DECR1: variants seen among roughly 807,000 people sequenced by gnomAD.
The protein encoded by DECR1 is 2,4-dienoyl-CoA reductase [(3E)-enoyl-CoA-producing], mitochondrial.
A neutral mutation model predicts 38.8 loss-of-function variants in DECR1; 44 were observed. That is an observed-to-expected ratio of 1.13 (90% CI 0.89 to 1.46). DECR1 has a LOEUF of 1.46. Ranked by LOEUF, DECR1 falls within the 40% of genes most tolerant of loss-of-function variation. The pLI, the probability that DECR1 is intolerant of heterozygous loss-of-function variation, is 0.00. For synonymous variants in DECR1, 148 were observed against 135.2 expected (o/e 1.09, Z -0.66); for missense variants, 428 against 405.5 (o/e 1.06, Z -0.48).
intron 5 of DECR1, among the ~76,000 whole-genome samples, chr8:90,035,420 A>G (rs549128848): frequency 6.6e-6 from 1 of 150,960 alleles, no homozygotes; most frequent in Non-Finnish European, 1.5e-5. Context: ...TGGATAGTTT[A>G]TATTGCTGTG....
chr8:90,025,559 G>A (rs1004184162), intron 5 of DECR1, among the ~76,000 whole-genome samples: 5 of 152,082 alleles, frequency 3.3e-5, no homozygotes, highest in African/African-American at 9.7e-5. Context: ...TGTGATTTTT[G>A]CACATTGATT....
rs532102994 is a variant in DECR1, at chr8:90,031,327, C to A, written c.566-5514C>A. 4.6e-3 allele frequency among the ~76,000 whole-genome samples: 697 copies of A among 152,194 alleles called. 9 individuals carry two copies. Among genetic ancestry groups the A allele is most frequent in the South Asian group, 0.029 (139 of 4,822 alleles). ...AGTTATGAAAGAAAATGTTAAGTTT[C>A]CTCCAAGATAAATGTATTTTTACCA... On this transcript the variant is annotated intron_variant, in intron 5 of 9. Transcript: ENST00000220764.
At chr8:90,023,391 T>A (rs185474203) in intron 5 of DECR1, among the ~76,000 whole-genome samples, 2 of 152,170 alleles carry the variant, frequency 1.3e-5, no homozygotes, top group Non-Finnish European at 2.9e-5. Context: ...ATTACAGTTT[T>A]TTTTTGTTTA....
In DECR1 at chr8:90,019,172, T is replaced by G. The variant is rs1363250443; in HGVS notation, c.417T>G (p.Asn139Lys). The G allele has an allele frequency of 6.2e-7, 1 of 1,613,604 alleles. No individual in the cohort carries two copies. The highest frequency in any genetic ancestry group is 8.5e-7 in the Non-Finnish European group (1 of 1,179,530). ...SELIKVAGHP[N>K]IVINNAAGNF... is the part of the protein sequence containing the mutation. ...TGATCAAAGTTGCAGGACATCCTAA[T>G]GTAAGTGTAGCAATGATGAAGCCAA... The change falls in exon 4 of 10, where the codon AAT becomes AAG. Residue 139 changes from asparagine (N) to lysine (K), a missense_variant and splice_region_variant. By Grantham distance (94) the Asn-to-Lys change is moderately conservative. Coordinates refer to ENST00000220764, the MANE Select transcript of DECR1 (RefSeq NM_001359.2).
At chr8:90,041,701 T>G (rs1325916678) in intron 6 of DECR1, among the ~76,000 whole-genome samples, 1 of 152,158 alleles carries the variant, frequency 6.6e-6, no homozygotes, top group East Asian at 1.9e-4. Flanking sequence ...CTTACCTTTT[T>G]TGTATAGAGT....
rs773153749 is a variant in DECR1 at position 90,019,146 on chromosome 8, C to G, written c.391C>G (p.Leu131Val). ...TATGGTTCAAAACACTGTGTCAGAACTGATCAAAGTTGCAGGACATCCTAA... is the reference window on the plus strand; with the variant it reads ...TATGGTTCAAAACACTGTGTCAGAAGTGATCAAAGTTGCAGGACATCCTAA... ...PDMVQNTVSE[L>V]IKVAGHPNIV... Residue 131 changes from leucine (L) to valine (V), a missense_variant, in exon 4 of 10, where the codon CTG becomes GTG. Transcript: ENST00000220764. 7 of 1,614,004 alleles carry G rather than the reference C, an allele frequency of 4.3e-6. No homozygotes were observed. In the African/African-American group the frequency reaches 9.3e-5, roughly 22 times the overall value.
At chr8:90,025,381 G>A (rs1313151089) in intron 5 of DECR1, among the ~76,000 whole-genome samples, 1 of 152,040 alleles carries the variant, frequency 6.6e-6, no homozygotes, top group African/African-American at 2.4e-5. Context: ...ATTTGTTTGT[G>A]TCCTCTTTTA....
chr8:90,047,180 CAATATT>C (rs1383295071), intron 8 of DECR1, among the ~76,000 whole-genome samples: 1 of 152,112 alleles, frequency 6.6e-6, no homozygotes, highest in Non-Finnish European at 1.5e-5. Context: ...TCACACATAA[CAATATT>C]AACCTTAAAT....
intron 7 of DECR1, among the ~76,000 whole-genome samples, 179 bp from the exon 8 acceptor site, chr8:90,044,670 T>C (rs1220271836): frequency 6.6e-6 from 1 of 152,252 alleles, no homozygotes; most frequent in African/African-American, 2.4e-5. Flanking sequence ...TTAAAAGGGT[T>C]ATATTTTCCA....
intron 5 of DECR1, among the ~76,000 whole-genome samples, chr8:90,029,656 CAA>C (rs1813446229): frequency 6.6e-6 from 1 of 152,214 alleles, no homozygotes; most frequent in African/African-American, 2.4e-5. Flanking sequence ...TCAGAAAACA[CAA>C]GATTTTTTAA....
At chr8:90,019,233 C>A in intron 4 of DECR1, 61 bp downstream of exon 4, 1 of 1,326,378 alleles carries the variant, frequency 7.5e-7, no homozygotes, top group Non-Finnish European at 1.1e-6. Context: ...CACCCACCAA[C>A]ATGTACAAAG....
At chr8:90,023,005 G>T (rs1813203857) in intron 5 of DECR1, among the ~76,000 whole-genome samples, 1 of 152,146 alleles carries the variant, frequency 6.6e-6, no homozygotes, top group African/African-American at 2.4e-5. Flanking sequence ...GATGCTATAA[G>T]CTGACAGAGT....
intron 5 of DECR1, among the ~76,000 whole-genome samples, chr8:90,028,870 G>C (rs557256974): frequency 6.6e-6 from 1 of 151,880 alleles, no homozygotes; most frequent in East Asian, 1.9e-4. Context: ...CAATGACCTT[G>C]CAAGTAAGTG....
rs753840184 is a variant in DECR1 at position 90,018,934 on chromosome 8, G to A, written c.298G>A (p.Ala100Thr). ...SRKMDVLKATAEQISSQTGNK... is the reference protein window; with the variant it reads ...SRKMDVLKATTEQISSQTGNK... ...GAAGATGGATGTTTTGAAAGCTACC[G>A]CAGAACAAATTTCTTCTCAAACTGG... The change falls in exon 3 of 10, where the codon GCA becomes ACA. Residue 100 changes from alanine to threonine, a missense_variant. Ala to Thr is a moderately conservative substitution (Grantham distance 58, BLOSUM62 0). Transcript: ENST00000220764. 53 of 1,594,136 alleles carry A rather than the reference G, an allele frequency of 3.3e-5. No individual in the cohort carries two copies. Among genetic ancestry groups the A allele is most frequent in the African/African-American group, 4.0e-5 (3 of 74,318 alleles).
intron 1 of DECR1, among the ~76,000 whole-genome samples, chr8:90,011,607 G>C (rs1357078504): frequency 6.6e-6 from 1 of 151,942 alleles, no homozygotes; most frequent in Non-Finnish European, 1.5e-5. Context: ...TGTTTACTTA[G>C]GTCTTTAATT....
At chr8:90,029,291 T>C (rs2130099567) in intron 5 of DECR1, 1 of 152,284 alleles carries the variant, frequency 6.6e-6, no homozygotes, top group African/African-American at 2.4e-5. Flanking sequence ...CAGATGTACA[T>C]GTGCTTTTTC....
At chr8:90,019,052 T>C in intron 3 of DECR1, 34 bp from the exon 4 acceptor site, 2 of 1,608,440 alleles carry the variant, frequency 1.2e-6, no homozygotes, top group African/African-American at 1.3e-5. Flanking sequence ...TTAAGAAAGC[T>C]GGAAAATGTC....
At chr8:90,010,263 C>CA (rs569667903) in intron 1 of DECR1, among the ~76,000 whole-genome samples, 53 of 152,314 alleles carry the variant, frequency 3.5e-4, no homozygotes, top group African/African-American at 1.2e-3. Context: ...GTGTGGTACT[C>CA]AGTTATTTTA....
At chr8:90,033,867 A>T (rs2130116919) in intron 5 of DECR1, among the ~76,000 whole-genome samples, 1 of 152,200 alleles carries the variant, frequency 6.6e-6, no homozygotes, top group African/African-American at 2.4e-5. Context: ...TTTGCTTTGT[A>T]TTTGCCACTT....
Sources: allele counts gnomAD v4.1 joint callset (sites outside exome capture counted in the v4.1 genomes callset), GRCh38; gene constraint gnomAD v4.1.1; transcripts MANE v1.5; gene names NCBI Gene and HGNC (gene_info 2026-07-23, HGNC 2026-07-21).